TRPM7: variants seen among roughly 807,000 people sequenced by gnomAD.
TRPM7 encodes transient receptor potential cation channel subfamily M member 7.
A neutral mutation model predicts 229.7 loss-of-function variants in TRPM7; 134 were observed. That is an observed-to-expected ratio of 0.58 (90% CI 0.51 to 0.67). The LOEUF (loss-of-function observed/expected upper bound fraction) is 0.67, where lower values mean the gene tolerates loss of function less well. Among genes scored for constraint, TRPM7 ranks in the 30% least tolerant of loss-of-function variants. The pLI is 0.00. For synonymous variants in TRPM7, 699 were observed against 715.2 expected, an observed-to-expected ratio of 0.98 and a Z score of 0.36; for missense variants, 1,901 against 2,210.0, an observed-to-expected ratio of 0.86 and a Z score of 2.80.
chr15:50,563,368 G>A (rs763235301), intron 38 of TRPM7, among the ~76,000 whole-genome samples: 3 of 152,198 alleles, frequency 2.0e-5, no homozygotes, highest in Non-Finnish European at 4.4e-5. Context: ...TCCACTGGAA[G>A]GTTTTAAGCA....
intron 5 of TRPM7, among the ~76,000 whole-genome samples, chr15:50,642,099 C>T (rs753060106): frequency 2.0e-5 from 3 of 151,746 alleles, no homozygotes; most frequent in Non-Finnish European, 4.4e-5. Context: ...TCTTTATATT[C>T]AACCTGTATA....
rs1425390740 is a variant in TRPM7 at position 50,560,547 on chromosome 15, AG to A, written c.*1130del. On this transcript the variant is annotated 3_prime_UTR_variant, in exon 39 of 39. Transcript: ENST00000646667. ...GGAAACAAAAGAAAAAGAAAAAAAA[AG>A]AAAAAAAATTAAAGCATAAAACTTA... is the stretch of plus-strand genomic sequence containing the variant. The A allele has an allele frequency of 6.6e-6, 1 of 152,588 alleles. No homozygotes were observed. Among genetic ancestry groups the A allele is most frequent in the African/African-American group, 2.4e-5 (1 of 41,454 alleles). 9.5% of individuals were successfully genotyped at this position (152,588 alleles called of 1,614,324 possible). A position where few individuals can be genotyped will look rare whatever the true frequency, so the allele number is the denominator to read the frequency against.
intron 1 of TRPM7, 25 bp downstream of exon 1, chr15:50,686,506 G>T (rs758940964): frequency 1.2e-5 from 19 of 1,613,744 alleles, no homozygotes; most frequent in Non-Finnish European, 1.6e-5. Flanking sequence ...ACCATTCCCC[G>T]CCCGGGCCTG....
chr15:50,594,051 G>T (rs1480325799), intron 24 of TRPM7, among the ~76,000 whole-genome samples: 1 of 151,988 alleles, frequency 6.6e-6, no homozygotes. Context: ...AGAAATTTAA[G>T]AACTAATTTG....
intron 23 of TRPM7, among the ~76,000 whole-genome samples, chr15:50,595,241 T>G (rs540237704): frequency 6.6e-6 from 1 of 151,282 alleles, no homozygotes; most frequent in Non-Finnish European, 1.5e-5. Context: ...TTGGCAACCA[T>G]TAAAAAAAAA....
intron 8 of TRPM7, among the ~76,000 whole-genome samples, chr15:50,633,388 T>C (rs1192395901): frequency 3.3e-5 from 5 of 152,168 alleles, no homozygotes; most frequent in African/African-American, 9.6e-5. Context: ...TCAAAAATAG[T>C]AGAAAACATA....
At chr15:50,658,697 G>A (rs2061649897) in intron 2 of TRPM7, among the ~76,000 whole-genome samples, 1 of 151,914 alleles carries the variant, frequency 6.6e-6, no homozygotes, top group Non-Finnish European at 1.5e-5. Flanking sequence ...AATAAAAAAC[G>A]TTGACTCTCA....
At chr15:50,598,006 T>G (rs557295136) in intron 22 of TRPM7, among the ~76,000 whole-genome samples, 1 of 151,810 alleles carries the variant, frequency 6.6e-6, no homozygotes, top group Non-Finnish European at 1.5e-5. Flanking sequence ...ACCAGGCTGG[T>G]AAAACAACAT....
intron 19 of TRPM7, among the ~76,000 whole-genome samples, chr15:50,607,596 T>C (rs1358604340): frequency 6.6e-6 from 1 of 152,154 alleles, no homozygotes; most frequent in Non-Finnish European, 1.5e-5. Flanking sequence ...GATTTTACAA[T>C]CAGGTTTATG....
intron 22 of TRPM7, among the ~76,000 whole-genome samples, chr15:50,598,365 AATATTC>A (rs2140397523): frequency 6.6e-6 from 1 of 152,336 alleles, no homozygotes; most frequent in East Asian, 1.9e-4. Flanking sequence ...CAACAAACTT[AATATTC>A]TAAGAACAGG....
chr15:50,624,933 A>C (rs1252255238), intron 11 of TRPM7, among the ~76,000 whole-genome samples: 1 of 152,220 alleles, frequency 6.6e-6, no homozygotes, highest in Non-Finnish European at 1.5e-5. Flanking sequence ...CTTTAAAAGA[A>C]ATCATTCATC....
At chr15:50,648,588 A>G in intron 4 of TRPM7, 99 bp downstream of exon 4, 1 of 1,079,134 alleles carries the variant, frequency 9.3e-7, no homozygotes, top group Non-Finnish European at 1.3e-6. Flanking sequence ...ATACAAATAA[A>G]TTACTGAGAC....
At chr15:50,679,346 A>C (rs926725020) in intron 1 of TRPM7, among the ~76,000 whole-genome samples, 1 of 150,238 alleles carries the variant, frequency 6.7e-6, no homozygotes, top group African/African-American at 2.5e-5. Context: ...AAAAAACAAA[A>C]CAGAAAACTT....
At chr15:50,618,462 T>C (rs1039084312) in intron 13 of TRPM7, among the ~76,000 whole-genome samples, 6 of 151,732 alleles carry the variant, frequency 4.0e-5, no homozygotes, top group African/African-American at 9.7e-5. Flanking sequence ...CCCAGCTACT[T>C]GGGAGGCTGA....
At chr15:50,620,084 T>C (rs1048407253) in intron 12 of TRPM7, among the ~76,000 whole-genome samples, 1 of 152,208 alleles carries the variant, frequency 6.6e-6, no homozygotes, top group African/African-American at 2.4e-5. Context: ...TCATTGATAA[T>C]GGCGCTGTAC....
At chr15:50,592,653 A>G (rs1477858011) in intron 25 of TRPM7, 27 bp from the exon 26 acceptor site, 2 of 1,425,456 alleles carry the variant, frequency 1.4e-6, no homozygotes, top group African/African-American at 2.9e-5. Context: ...AGCTTTTTTT[A>G]CAAATGTGAA....
Position 50,586,268 on chromosome 15 carries a change from G to C in TRPM7, c.4486+124C>G, listed in dbSNP as rs927503775. On this transcript the variant is annotated intron_variant, in intron 28 of 38. Coordinates refer to ENST00000646667, the MANE Select transcript of TRPM7 (RefSeq NM_017672.6). The stretch of plus-strand genomic sequence containing the variant: ...ATTCAAGGTTACAGTCACTATGGCA[G>C]ATCAGAATTTTCGTCTTCTGACTCC... The C allele has an allele frequency of 8.6e-6, 5 of 578,658 alleles. No homozygotes were observed. The South Asian group carries it at 1.2e-4, about 14-fold the overall frequency. 35.8% of individuals were successfully genotyped at this position (578,658 alleles called of 1,614,324 possible). A position where few individuals can be genotyped will look rare whatever the true frequency, so the allele number is the denominator to read the frequency against.
intron 1 of TRPM7, among the ~76,000 whole-genome samples, chr15:50,664,188 C>T (rs960268183): frequency 2.6e-5 from 4 of 151,824 alleles, no homozygotes; most frequent in Admixed American, 6.6e-5. Context: ...ATCCCAGCTA[C>T]TCCGGAGGCT....
At chr15:50,664,089 G>A (rs1319137336) in intron 1 of TRPM7, among the ~76,000 whole-genome samples, 2 of 152,216 alleles carry the variant, frequency 1.3e-5, no homozygotes, top group Admixed American at 6.5e-5. Flanking sequence ...CACAAAGTCA[G>A]AAGACCAAGA....
Sources: gnomAD v4.1 joint callset for allele counts (sites outside exome capture counted in the v4.1 genomes callset) on GRCh38, gnomAD v4.1.1 for gene constraint, MANE v1.5 for transcripts, NCBI Gene and HGNC (gene_info 2026-07-23, HGNC 2026-07-21) for gene names.